WSB2: variants seen among roughly 807,000 people sequenced by gnomAD.
WSB2 encodes the protein WD repeat and SOCS box-containing protein 2.
A neutral mutation model predicts 48.8 loss-of-function variants in WSB2; 12 were observed. The ratio of observed to expected loss-of-function variants is 0.25; its 90% CI spans 0.16 to 0.40. WSB2 has a LOEUF of 0.40. WSB2 is among the 10% of genes least tolerant of loss of function. The probability of loss-of-function intolerance (pLI) is 1.00; values close to 1 mark genes in which losing one functional copy is unlikely to be tolerated. For synonymous variants in WSB2, 191 were observed against 203.1 expected, an observed-to-expected ratio of 0.94 and a Z score of 0.51; for missense variants, 317 against 506.2, an observed-to-expected ratio of 0.63 and a Z score of 3.59.
chr12:118,042,826 C>G lies in WSB2; in HGVS notation c.559+15G>C, dbSNP rs371223023. The G allele has an allele frequency of 2.5e-6, 4 of 1,611,862 alleles. No homozygotes were observed. In the African/African-American group the frequency reaches 5.3e-5, roughly 22 times the overall value. Reference sequence around the variant, plus strand: ...TATTTTTGGAGTTGCCGAGTAGTTCCTTCACTTCCCATACCGTGTTTATTC... The same window carrying G: ...TATTTTTGGAGTTGCCGAGTAGTTCGTTCACTTCCCATACCGTGTTTATTC... On this transcript the variant is annotated intron_variant, in intron 4 of 8. Coordinates refer to ENST00000315436, the MANE Select transcript of WSB2 (RefSeq NM_018639.5).
In WSB2 at chr12:118,060,903, A is replaced by C. The variant is rs2137805987; in HGVS notation, c.13+133T>G. ...CCCGCCGGCCCCGCGCGGACCTCCCAGGCCGGACGCCCCCGCCGCGTCCAG... is the reference window on the plus strand; with the variant it reads ...CCCGCCGGCCCCGCGCGGACCTCCCCGGCCGGACGCCCCCGCCGCGTCCAG... On this transcript the variant is annotated intron_variant, in intron 1 of 8. Coordinates refer to ENST00000315436, the MANE Select transcript of WSB2 (RefSeq NM_018639.5). The surrounding 1 kb of genome is among the most constrained non-coding windows in gnomAD (Gnocchi z 4.1). 1 of 317,644 alleles carries C rather than the reference A, an allele frequency of 3.1e-6. No homozygotes were observed. The highest frequency in any genetic ancestry group is 4.5e-6 in the Non-Finnish European group (1 of 220,494). 19.7% of individuals were successfully genotyped at this position (317,644 alleles called of 1,614,324 possible).
intron 1 of WSB2, among the ~76,000 whole-genome samples, chr12:118,054,942 G>C (rs1399529407): frequency 6.6e-6 from 1 of 150,458 alleles, no homozygotes; most frequent in Admixed American, 6.6e-5. Flanking sequence ...ACTTTGGTAG[G>C]CCGAGATGGG....
At chr12:118,062,004 G>T, upstream of WSB2, 2 of 1,194,912 alleles carry the variant, frequency 1.7e-6, no homozygotes, top group Non-Finnish European at 2.3e-6. Context: ...CGGGGCGGTG[G>T]GGAGAGGAGG....
chr12:118,045,589 G>A (rs553512738), intron 2 of WSB2, among the ~76,000 whole-genome samples: 3 of 151,568 alleles, frequency 2.0e-5, no homozygotes, highest in African/African-American at 7.3e-5. Context: ...GCGCATGCCT[G>A]TAATCCCAGC....
chr12:118,040,927 T>C (rs1189216457), intron 4 of WSB2, among the ~76,000 whole-genome samples: 4 of 152,244 alleles, frequency 2.6e-5, no homozygotes, highest in Non-Finnish European at 5.9e-5. Flanking sequence ...CTTACGCCTG[T>C]AGTCCCAGCT....
rs1032540856 is a variant in WSB2, at chr12:118,060,697, G to T, written c.13+339C>A. On this transcript the variant is annotated intron_variant, in intron 1 of 8. Transcript: ENST00000315436. This position sits in a 1 kb window ranked among gnomAD's most constrained non-coding sequence, Gnocchi z 4.1. Reference sequence around the variant, plus strand: ...GTACCCAGGGGCACCCACCCCCTTGGGGATCTCCGTTTTAGGGCTTGGTGC... The same window carrying T: ...GTACCCAGGGGCACCCACCCCCTTGTGGATCTCCGTTTTAGGGCTTGGTGC... Among the ~76,000 whole-genome samples the T allele has an allele frequency of 1.3e-5, 2 of 151,986 alleles. No individual in the cohort carries two copies. Among genetic ancestry groups the T allele is most frequent in the African/African-American group, 4.8e-5 (2 of 41,394 alleles).
chr12:118,052,826 A>G (rs1161997668), intron 1 of WSB2, among the ~76,000 whole-genome samples: 1 of 152,196 alleles, frequency 6.6e-6, no homozygotes, highest in African/African-American at 2.4e-5. Context: ...GGGCCAAAAT[A>G]GCAAGGCCTT....
At chr12:118,056,546 C>A (rs902183178) in intron 1 of WSB2, among the ~76,000 whole-genome samples, 1 of 152,148 alleles carries the variant, frequency 6.6e-6, no homozygotes, top group African/African-American at 2.4e-5. Flanking sequence ...TGGTGGAGGG[C>A]AGGCAGTGAG....
At chr12:118,046,072 T>G (rs906048816) in intron 2 of WSB2, among the ~76,000 whole-genome samples, 4 of 152,186 alleles carry the variant, frequency 2.6e-5, no homozygotes, top group Admixed American at 2.6e-4. Flanking sequence ...CCACAGGCAT[T>G]TGGTTAGGTA....
rs1280611742 is a variant in WSB2, at chr12:118,060,790, C to G, written c.13+246G>C. Among the ~76,000 whole-genome samples the G allele has an allele frequency of 6.6e-6, 1 of 152,028 alleles. No individual in the cohort carries two copies. Among genetic ancestry groups the G allele is most frequent in the Non-Finnish European group, 1.5e-5 (1 of 67,970 alleles). On this transcript the variant is annotated intron_variant, in intron 1 of 8. Coordinates refer to ENST00000315436, the MANE Select transcript of WSB2 (RefSeq NM_018639.5). The surrounding 1 kb of genome is among the most constrained non-coding windows in gnomAD (Gnocchi z 4.1). ...CGGGGGATCTCCTCCCGCAGAAGCCCGATCTTCCCGATCCTGTCGCCGGCG... is the reference window on the plus strand; with the variant it reads ...CGGGGGATCTCCTCCCGCAGAAGCCGGATCTTCCCGATCCTGTCGCCGGCG...
At chr12:118,057,877 G>T (rs2031986614) in intron 1 of WSB2, among the ~76,000 whole-genome samples, 1 of 149,738 alleles carries the variant, frequency 6.7e-6, no homozygotes, top group Non-Finnish European at 1.5e-5. Flanking sequence ...TCCCGCCTCA[G>T]CCTCCTGTGT....
intron 2 of WSB2, among the ~76,000 whole-genome samples, chr12:118,045,158 C>T (rs918986090): frequency 7.9e-5 from 12 of 151,740 alleles, no homozygotes; most frequent in African/African-American, 2.9e-4. Context: ...GGGCAGATCA[C>T]GAGGTCAGGA....
chr12:118,041,025 G>A (rs1478075221), intron 4 of WSB2, among the ~76,000 whole-genome samples: 3 of 152,204 alleles, frequency 2.0e-5, no homozygotes, highest in African/African-American at 7.2e-5. Flanking sequence ...CTCCAGCCTG[G>A]GTGACACAGT....
intron 1 of WSB2, among the ~76,000 whole-genome samples, chr12:118,059,693 A>T (rs1441277888): frequency 6.6e-6 from 1 of 152,186 alleles, no homozygotes; most frequent in Non-Finnish European, 1.5e-5. Flanking sequence ...TTGAACTGTA[A>T]GGAGGCAATG....
intron 1 of WSB2, among the ~76,000 whole-genome samples, chr12:118,053,024 CTCTG>C (rs1195817898): frequency 2.6e-5 from 4 of 152,184 alleles, no homozygotes; most frequent in African/African-American, 9.6e-5. Context: ...CTTCCACGTC[CTCTG>C]TCTGGGGTTA....
intron 4 of WSB2, among the ~76,000 whole-genome samples, chr12:118,041,041 T>A (rs965433574): frequency 1.3e-5 from 2 of 152,196 alleles, no homozygotes; most frequent in African/African-American, 4.8e-5. Flanking sequence ...ACAGTGAGAC[T>A]CCGTCTCAAG....
At chr12:118,035,411 C>G in intron 6 of WSB2, 87 bp from the exon 7 acceptor site, 1 of 1,195,942 alleles carries the variant, frequency 8.4e-7, no homozygotes, top group Non-Finnish European at 1.2e-6. Context: ...AGCCAAACTG[C>G]CCTGGCTACA....
In WSB2 at chr12:118,043,333, T is replaced by C; in HGVS notation, c.227A>G (p.Glu76Gly). 6.3e-7 allele frequency: 1 copy of C among 1,594,160 alleles called. No individual in the cohort carries two copies. The highest frequency in any genetic ancestry group is 8.5e-7 in the Non-Finnish European group (1 of 1,170,620). ...TTTTGGGCTGCCCCGCCCTTTCGTC[T>C]CATTTTTGCTACTTCGGCTTTTGGC... ...FEAKSRSSKN[E>G]TKGRGSPKEK... is the part of the protein sequence containing the mutation. Residue 76 changes from glutamate to glycine, a missense_variant, in exon 3 of 9, where the codon GAG (glutamate) becomes GGG (glycine). Physicochemically the swap from Glu to Gly is moderately conservative, Grantham distance 98 (BLOSUM62 -2). Around this residue, in one of 2 missense-constraint regions of WSB2, gnomAD observed 128 missense variants for 156.7 expected, o/e 0.82. Coordinates refer to ENST00000315436, the MANE Select transcript of WSB2 (RefSeq NM_018639.5).
rs1349327634 is a variant in WSB2, at chr12:118,061,072, G to A, written c.-24C>T. 7.1e-6 allele frequency: 7 copies of A among 982,842 alleles called. No individual in the cohort carries two copies. The highest frequency in any genetic ancestry group is 5.1e-4 in the Middle Eastern group (1 of 1,950). The allele number at this position is 982,842 out of a possible 1,614,324, so 60.9% of individuals were successfully genotyped here. ...ATGGAGGACGCGAGCGGCCCCCGCGGCAGGCGGCGGGCGCCTCAGCCCCCC... is the reference window on the plus strand; with the variant it reads ...ATGGAGGACGCGAGCGGCCCCCGCGACAGGCGGCGGGCGCCTCAGCCCCCC... On this transcript the variant is annotated 5_prime_UTR_variant, in exon 1 of 9. Coordinates refer to ENST00000315436, the MANE Select transcript of WSB2 (RefSeq NM_018639.5).
Sources: allele counts gnomAD v4.1 joint callset (sites outside exome capture counted in the v4.1 genomes callset), GRCh38; gene constraint gnomAD v4.1.1; regional missense constraint gnomAD v4.1.1; non-coding constraint Gnocchi (gnomAD v3.1); transcripts MANE v1.5; gene names NCBI Gene and HGNC (gene_info 2026-07-23, HGNC 2026-07-21).